CRPPA: variants seen among roughly 807,000 people sequenced by gnomAD.
The protein encoded by CRPPA is D-ribitol-5-phosphate cytidylyltransferase.
Under a neutral mutation model 52.0 loss-of-function variants are expected in CRPPA, and 43 were observed. The ratio of observed to expected loss-of-function variants is 0.83; its 90% CI spans 0.65 to 1.07. CRPPA has a LOEUF of 1.07. Among genes scored for constraint, CRPPA ranks in the 50% least tolerant of loss-of-function variants. The pLI is 0.00. For synonymous variants in CRPPA, 250 were observed against 203.5 expected (o/e 1.23, Z -1.94); for missense variants, 629 against 551.7 (o/e 1.14, Z -1.40).
At chr7:16,096,972 G>A (rs541570480) in intron 9 of CRPPA, among the ~76,000 whole-genome samples, 4 of 152,048 alleles carry the variant, frequency 2.6e-5, no homozygotes, top group African/African-American at 4.8e-5. Flanking sequence ...TTTTATTCTT[G>A]GAGGAAAAAC....
At chr7:16,216,363 A>G in intron 8 of CRPPA, 166 bp from the exon 9 acceptor site, 1 of 491,974 alleles carries the variant, frequency 2.0e-6, no homozygotes, top group South Asian at 3.1e-5. Context: ...AAGATCGATG[A>G]ATCCTCCTTT....
chr7:16,343,224 A>G (rs1037905127), intron 3 of CRPPA, among the ~76,000 whole-genome samples: 5 of 152,070 alleles, frequency 3.3e-5, no homozygotes, highest in Non-Finnish European at 5.9e-5. Context: ...ATAAATCTGA[A>G]ATTAACCTAA....
chr7:16,327,634 A>G, intron 3 of CRPPA, among the ~76,000 whole-genome samples: 2 of 150,268 alleles, frequency 1.3e-5, no homozygotes, highest in South Asian at 4.2e-4. Flanking sequence ...AAAAGAGTAA[A>G]TCCAAGACCA....
intron 2 of CRPPA, among the ~76,000 whole-genome samples, chr7:16,391,608 T>C (rs1161392485): frequency 6.6e-6 from 1 of 152,180 alleles, no homozygotes; most frequent in African/African-American, 2.4e-5. Context: ...AAAAATTCAG[T>C]TCCTCATTTC....
intron 2 of CRPPA, among the ~76,000 whole-genome samples, chr7:16,405,429 T>C (rs1444574069): frequency 6.6e-6 from 1 of 152,174 alleles, no homozygotes. Context: ...ATTTCTATTA[T>C]ATAATACCAT....
chr7:16,414,650 T>G (rs1583591422), intron 1 of CRPPA, among the ~76,000 whole-genome samples: 1 of 152,238 alleles, frequency 6.6e-6, no homozygotes, highest in South Asian at 2.1e-4. Context: ...GATAGTTATC[T>G]AAGTGATTAG....
At chr7:16,332,552 G>C (rs1785577009) in intron 3 of CRPPA, among the ~76,000 whole-genome samples, 1 of 152,136 alleles carries the variant, frequency 6.6e-6, no homozygotes, top group East Asian at 1.9e-4. Flanking sequence ...TTCTTATAAA[G>C]TACTCACATT....
intron 9 of CRPPA, among the ~76,000 whole-genome samples, chr7:16,215,863 T>A (rs1309534463): frequency 6.6e-6 from 1 of 152,220 alleles, no homozygotes; most frequent in Non-Finnish European, 1.5e-5. Flanking sequence ...CTCATTAGCA[T>A]TTCCCCAATG....
intron 2 of CRPPA, among the ~76,000 whole-genome samples, chr7:16,396,351 T>A (rs1407223160): frequency 6.6e-6 from 1 of 151,950 alleles, no homozygotes; most frequent in African/African-American, 2.4e-5. Flanking sequence ...GAAATGCAAA[T>A]CAAAACCACA....
At chr7:16,255,774 C>A (rs1583470418) in intron 8 of CRPPA, among the ~76,000 whole-genome samples, 1 of 152,106 alleles carries the variant, frequency 6.6e-6, no homozygotes, top group African/African-American at 2.4e-5. Context: ...CTTCCTTATG[C>A]CTTATACAAA....
At chr7:16,330,369 C>T (rs7784421) in intron 3 of CRPPA, among the ~76,000 whole-genome samples, 6,924 of 152,222 alleles carry the variant, frequency 0.045, 495 homozygotes, top group African/African-American at 0.16. Flanking sequence ...CTCGCAGCTT[C>T]GTCCTAACAA....
chr7:16,316,776 G>A (rs977807231), intron 3 of CRPPA, among the ~76,000 whole-genome samples: 2 of 152,090 alleles, frequency 1.3e-5, no homozygotes, highest in African/African-American at 4.8e-5. Context: ...AGAATCACTT[G>A]AGCCCGGGAG....
intron 3 of CRPPA, among the ~76,000 whole-genome samples, chr7:16,313,097 G>A (rs1785067934): frequency 6.6e-6 from 1 of 151,922 alleles, no homozygotes; most frequent in Non-Finnish European, 1.5e-5. Context: ...AATGAGTTAA[G>A]GAAGTATTCC....
intron 2 of CRPPA, among the ~76,000 whole-genome samples, chr7:16,388,352 T>C (rs1787348405): frequency 6.6e-6 from 1 of 152,082 alleles, no homozygotes; most frequent in Admixed American, 6.6e-5. Flanking sequence ...AAAATACTTT[T>C]AAATGAAAAC....
intron 9 of CRPPA, among the ~76,000 whole-genome samples, chr7:16,190,738 C>T (rs1198848436): frequency 6.6e-6 from 1 of 152,084 alleles, no homozygotes; most frequent in Non-Finnish European, 1.5e-5. Context: ...ACACTGCATC[C>T]AATGCGTAGT....
intron 9 of CRPPA, among the ~76,000 whole-genome samples, chr7:16,189,516 C>A (rs961471864): frequency 2.6e-5 from 4 of 152,070 alleles, no homozygotes; most frequent in Non-Finnish European, 5.9e-5. Context: ...ACCACATAGC[C>A]ACATGTGAGG....
rs73294853 is a variant in CRPPA at position 16,266,882 on chromosome 7, C to T, written c.934-7870G>A. Among the ~76,000 whole-genome samples, 466 of 152,240 alleles carry T rather than the reference C, an allele frequency of 3.1e-3. 4 individuals are homozygous for T. Among genetic ancestry groups the T allele is most frequent in the African/African-American group, 0.011 (453 of 41,538 alleles). On this transcript the variant is annotated intron_variant, in intron 6 of 9. Transcript: ENST00000407010. ...TGTCGAGCTTTCATGACAGATTATA[C>T]TATAACTAAAAGACAGTGTGTAGTA...
chr7:16,244,237 A>C (rs1783204618), intron 8 of CRPPA, among the ~76,000 whole-genome samples: 1 of 152,132 alleles, frequency 6.6e-6, no homozygotes, highest in Admixed American at 6.6e-5. Context: ...GCTAACAAAA[A>C]TTTCCCACGT....
intron 3 of CRPPA, among the ~76,000 whole-genome samples, chr7:16,342,798 T>TATAGATAGATAGATATATAGATATA (rs1491461185): frequency 2.0e-5 from 2 of 101,254 alleles, no homozygotes; most frequent in African/African-American, 8.1e-5. Context: ...TATATATATA[T>TATAGATAGATAGATATATAGATATA]CTATATAGAT....
Sources: gnomAD v4.1 joint callset for allele counts (sites outside exome capture counted in the v4.1 genomes callset) on GRCh38, gnomAD v4.1.1 for gene constraint, MANE v1.5 for transcripts, NCBI Gene and HGNC (gene_info 2026-07-23, HGNC 2026-07-21) for gene names.